CTNND2: variants seen among roughly 807,000 people sequenced by gnomAD.
CTNND2 encodes catenin delta-2.
Under a neutral mutation model 144.4 loss-of-function variants are expected in CTNND2, and 22 were observed. The ratio of observed to expected loss-of-function variants is 0.15; its 90% CI spans 0.11 to 0.22. CTNND2 has a LOEUF of 0.22. Among genes scored for constraint, CTNND2 ranks in the 10% least tolerant of loss-of-function variants. CTNND2 has a pLI of 1.00. For synonymous variants in CTNND2, 751 were observed against 695.6 expected, an observed-to-expected ratio of 1.08 and a Z score of -1.25; for missense variants, 1,353 against 1,618.8, an observed-to-expected ratio of 0.84 and a Z score of 2.82.
intron 8 of CTNND2, among the ~76,000 whole-genome samples, chr5:11,353,499 T>C (rs1454615334): frequency 2.0e-5 from 3 of 152,210 alleles, no homozygotes; most frequent in African/African-American, 4.8e-5. Context: ...ACCTAGATAA[T>C]TGGCTCCATC....
intron 3 of CTNND2, among the ~76,000 whole-genome samples, chr5:11,552,468 C>T (rs979615040): frequency 6.6e-6 from 1 of 152,152 alleles, no homozygotes; most frequent in East Asian, 1.9e-4. Context: ...TACTAAATCT[C>T]ATTACTTTTT....
At chr5:11,304,447 C>T (rs1441658308) in intron 9 of CTNND2, among the ~76,000 whole-genome samples, 1 of 152,136 alleles carries the variant, frequency 6.6e-6, no homozygotes, top group Non-Finnish European at 1.5e-5. Context: ...ACTACTTCCT[C>T]CCTCAATGGT....
intron 2 of CTNND2, among the ~76,000 whole-genome samples, chr5:11,663,330 T>G (rs1313509661): frequency 6.6e-6 from 1 of 152,212 alleles, no homozygotes; most frequent in African/African-American, 2.4e-5. Flanking sequence ...TATTCAATCA[T>G]GAAATTGAGT....
intron 1 of CTNND2, among the ~76,000 whole-genome samples, chr5:11,779,705 G>C (rs1790442664): frequency 6.6e-6 from 1 of 152,170 alleles, no homozygotes; most frequent in Non-Finnish European, 1.5e-5. Flanking sequence ...TTTTAGTTTT[G>C]TCCAATAACT....
intron 1 of CTNND2, among the ~76,000 whole-genome samples, chr5:11,842,588 G>A (rs940865563): frequency 6.6e-5 from 10 of 151,624 alleles, no homozygotes; most frequent in Admixed American, 4.6e-4. Flanking sequence ...GCACGGTGGC[G>A]GGCGCCTGTA....
chr5:11,047,438 A>G (rs1050652051), intron 16 of CTNND2, among the ~76,000 whole-genome samples: 4 of 152,166 alleles, frequency 2.6e-5, no homozygotes, highest in African/African-American at 9.7e-5. Flanking sequence ...ATTATCCACC[A>G]AGGGGTGTGC....
At chr5:11,558,912 G>A (rs991473370) in intron 3 of CTNND2, among the ~76,000 whole-genome samples, 2 of 151,876 alleles carry the variant, frequency 1.3e-5, no homozygotes, top group Admixed American at 1.3e-4. Flanking sequence ...TAGGTAACAC[G>A]TAATTGGGAG....
intron 16 of CTNND2, among the ~76,000 whole-genome samples, chr5:11,025,226 G>A (rs995308340): frequency 2.0e-5 from 3 of 152,080 alleles, no homozygotes; most frequent in Admixed American, 6.6e-5. Flanking sequence ...ATTATTCCAC[G>A]GAGAAGAAAA....
At chr5:11,810,437 A>G (rs1002191665) in intron 1 of CTNND2, among the ~76,000 whole-genome samples, 6 of 151,578 alleles carry the variant, frequency 4.0e-5, no homozygotes, top group Admixed American at 1.3e-4. Context: ...TTGATAAATT[A>G]TAAGAAAACA....
intron 3 of CTNND2, among the ~76,000 whole-genome samples, chr5:11,488,062 G>A (rs1769004303): frequency 6.6e-6 from 1 of 152,146 alleles, no homozygotes. Flanking sequence ...GTTTGTGGTG[G>A]CAATTTGCGC....
At chr5:11,674,522 C>T (rs182234574) in intron 2 of CTNND2, among the ~76,000 whole-genome samples, 3 of 152,262 alleles carry the variant, frequency 2.0e-5, no homozygotes, top group Admixed American at 2.0e-4. Context: ...AGTGACACAA[C>T]ATAATCACCA....
intron 9 of CTNND2, among the ~76,000 whole-genome samples, chr5:11,255,246 T>C (rs756592400): frequency 6.6e-6 from 1 of 152,220 alleles, no homozygotes; most frequent in African/African-American, 2.4e-5. Context: ...AAAAACTCAC[T>C]TCATGAAAAA....
At chr5:11,743,538 T>C (rs573032151) in intron 1 of CTNND2, among the ~76,000 whole-genome samples, 4 of 152,052 alleles carry the variant, frequency 2.6e-5, no homozygotes, top group Admixed American at 6.6e-5. Flanking sequence ...GCAAAACATA[T>C]AGAGAAGATC....
At chr5:11,525,630 C>G (rs927355429) in intron 3 of CTNND2, among the ~76,000 whole-genome samples, 3 of 152,202 alleles carry the variant, frequency 2.0e-5, no homozygotes, top group Non-Finnish European at 4.4e-5. Context: ...TTCAGCAGTT[C>G]TCAAATAGCA....
intron 1 of CTNND2, among the ~76,000 whole-genome samples, chr5:11,849,964 T>C (rs1181311120): frequency 6.6e-6 from 1 of 151,586 alleles, no homozygotes; most frequent in African/African-American, 2.4e-5. Context: ...AGATAGGAGG[T>C]TTAAAATACA....
chr5:11,880,450 T>C (rs996640165), intron 1 of CTNND2, among the ~76,000 whole-genome samples: 2 of 151,086 alleles, frequency 1.3e-5, no homozygotes, highest in South Asian at 2.1e-4. Flanking sequence ...TGGGGGTCTA[T>C]GACATGGAAT....
At chr5:10,998,159 C>T (rs975931435) in intron 18 of CTNND2, among the ~76,000 whole-genome samples, 4 of 152,132 alleles carry the variant, frequency 2.6e-5, no homozygotes, top group Non-Finnish European at 4.4e-5. Flanking sequence ...ATGGAAAATG[C>T]AAATGCCTGG....
At chr5:11,044,074 C>A (rs1020199579) in intron 16 of CTNND2, among the ~76,000 whole-genome samples, 17 of 152,322 alleles carry the variant, frequency 1.1e-4, no homozygotes, top group Admixed American at 1.1e-3. Flanking sequence ...GGTTGTACAG[C>A]GGGGTAGCAG....
chr5:11,184,669 G>T (rs1416438843), intron 11 of CTNND2, among the ~76,000 whole-genome samples: 5 of 152,130 alleles, frequency 3.3e-5, no homozygotes. Context: ...ATTAATCCTT[G>T]TTCACTATTG....
Sources: allele counts gnomAD v4.1 joint callset (sites outside exome capture counted in the v4.1 genomes callset), GRCh38; gene constraint gnomAD v4.1.1; transcripts MANE v1.5; gene names NCBI Gene and HGNC (gene_info 2026-07-23, HGNC 2026-07-21).